The following NOSIP variants were observed in gnomAD, a reference collection of about 807,000 sequenced individuals.
NOSIP encodes nitric oxide synthase interacting protein.
In NOSIP, 25 loss-of-function variants were observed where a neutral mutation model predicts 36.4. The observed-to-expected ratio is 0.69, with a 90% CI of 0.50 to 0.96. The LOEUF (loss-of-function observed/expected upper bound fraction) is 0.96. NOSIP is among the 40% of genes least tolerant of loss of function. The probability of loss-of-function intolerance (pLI) is 0.00; values close to 1 mark genes in which losing one functional copy is unlikely to be tolerated. For missense variants in NOSIP, 370 were observed against 429.0 expected (o/e 0.86, Z 1.21); for synonymous variants, 187 against 179.2 (o/e 1.04, Z -0.35).
At chr19:49,561,971 T>G (rs1419644235) in intron 1 of NOSIP, among the ~76,000 whole-genome samples, 1 of 152,102 alleles carries the variant, frequency 6.6e-6, no homozygotes. Flanking sequence ...CATTTTAACT[T>G]TTACTTTTTG....
Position 49,567,082 on chromosome 19 carries a change from C to G in NOSIP, c.-1-6390G>C, listed in dbSNP as rs568828368. 3.3e-5 allele frequency among the ~76,000 whole-genome samples: 5 copies of G among 149,348 alleles called. No individual in the cohort carries two copies. In the South Asian group the frequency reaches 1.1e-3, roughly 32 times the overall value. ...CCACCTGCCTCGGCCTCCCAAAGTG[C>G]TGGGATTATAGGCATGAGCCACCGT... On this transcript the variant is annotated intron_variant, in intron 1 of 8. Coordinates refer to ENST00000596358, the MANE Select transcript of NOSIP (RefSeq NM_001270960.2).
At position 49,560,754 on chromosome 19, in the gene NOSIP, C is replaced by G; in HGVS notation, c.-1-62G>C. 1 of 1,239,424 alleles carries G rather than the reference C, an allele frequency of 8.1e-7. No homozygotes were observed. The highest frequency in any genetic ancestry group is 1.2e-6 in the Non-Finnish European group (1 of 863,256). 76.8% of individuals were successfully genotyped at this position (1,239,424 alleles called of 1,614,324 possible). On this transcript the variant is annotated intron_variant, in intron 1 of 8. Transcript: ENST00000596358. This position sits in a 1 kb window ranked among gnomAD's most constrained non-coding sequence, Gnocchi z 4.6. ...CGGAGGCAGGCAGCACAGGGAAGAC[C>G]TCTGCAGCCCTCAGAGCTGATCTGC...
intron 1 of NOSIP, among the ~76,000 whole-genome samples, chr19:49,564,706 T>C (rs2080383222): frequency 6.6e-6 from 1 of 151,970 alleles, no homozygotes; most frequent in South Asian, 2.1e-4. Flanking sequence ...AACAGAAGGG[T>C]ACACCTGTTT....
chr19:49,556,485 CCCAAAGCCGGACCGCCCCGCA>C (rs1358632639), intron 7 of NOSIP, 43 bp downstream of exon 7: 17 of 1,609,186 alleles, frequency 1.1e-5, no homozygotes, highest in Non-Finnish European at 1.4e-5. Flanking sequence ...ACCTACTGGC[CCCAAAGCCGGACCGCCCCGCA>C]GGTTCCCGAG....
In NOSIP at chr19:49,556,664, G is replaced by C. The variant is rs528844653; in HGVS notation, c.610C>G (p.Pro204Ala). 1.2e-6 allele frequency: 2 copies of C among 1,611,850 alleles called. No homozygotes were observed. The highest frequency in any genetic ancestry group is 3.3e-5 in the Admixed American group (2 of 59,952). The stretch of plus-strand genomic sequence containing the variant: ...ACGCGGTCCACGGAGCTGTCTAGCG[G>C]TGTGAAGTGCACGGGCGTCAGGTCC... ...MSDLTPVHFT[P>A]LDSSVDRVGL... Residue 204 changes from proline (P) to alanine (A), a missense_variant, in exon 7 of 9, where the codon CCG (proline) becomes GCG (alanine). By Grantham distance (27) the Pro-to-Ala change is conservative. Transcript: ENST00000596358.
intron 1 of NOSIP, among the ~76,000 whole-genome samples, chr19:49,574,151 C>T (rs542449069): frequency 1.6e-4 from 25 of 152,148 alleles, no homozygotes; most frequent in South Asian, 4.2e-4. Flanking sequence ...CATGAGCTAC[C>T]GCGCCCAGTC....
intron 1 of NOSIP, among the ~76,000 whole-genome samples, chr19:49,578,236 G>A (rs981237893): frequency 6.6e-6 from 1 of 151,838 alleles, no homozygotes; most frequent in Non-Finnish European, 1.5e-5. Flanking sequence ...CAATTCTCCT[G>A]CCTCAGCCTC....
At chr19:49,572,744 C>T (rs1040314794) in intron 1 of NOSIP, among the ~76,000 whole-genome samples, 7 of 151,826 alleles carry the variant, frequency 4.6e-5, no homozygotes, top group Non-Finnish European at 8.8e-5. Flanking sequence ...GAGCCCAAGG[C>T]GGGCAGATCA....
Position 49,560,209 on chromosome 19 carries a change from C to T in NOSIP, c.71-170G>A. 4 of 601,108 alleles carry T rather than the reference C, an allele frequency of 6.7e-6. No homozygotes were observed. In the South Asian group the frequency reaches 7.9e-5, roughly 12 times the overall value. The allele number at this position is 601,108 out of a possible 1,614,324, so 37.2% of individuals were successfully genotyped here. ...TGTGTGCTGGGGCCACGGGCTGAAC[C>T]CACAGGGAGTTGTCAACCCTGGAGG... On this transcript the variant is annotated intron_variant, in intron 2 of 8. Transcript: ENST00000596358. The surrounding 1 kb of genome is among the most constrained non-coding windows in gnomAD (Gnocchi z 4.6).
rs201096061 is a variant in NOSIP at position 49,573,778 on chromosome 19, A to ATTTAT, written c.-2+6732_-2+6736dup. ...ATGACAACCTCCCCACGTTCTGCCC[A>ATTTAT]TTTATTTTATTTTATGTATGTATGT... On this transcript the variant is annotated intron_variant, in intron 1 of 8. Transcript: ENST00000596358. 1.9e-3 allele frequency among the ~76,000 whole-genome samples: 293 copies of ATTTAT among 150,728 alleles called. 1 individual carries two copies. The East Asian group carries it at 0.02, about 10-fold the overall frequency.
intron 1 of NOSIP, among the ~76,000 whole-genome samples, chr19:49,578,947 AAG>A (rs1407037258): frequency 6.6e-6 from 1 of 152,068 alleles, no homozygotes; most frequent in African/African-American, 2.4e-5. Flanking sequence ...TAAAAAAAAA[AAG>A]AAAGAAAACA....
Position 49,560,596 on chromosome 19 carries a change from C to T in NOSIP, c.70+26G>A, listed in dbSNP as rs761430952. ...GTGACTCCAAGACACAGCCATGTCC[C>T]GCCTCTTCCCACCCCAGCCCTGCAC... On this transcript the variant is annotated intron_variant, in intron 2 of 8. Coordinates refer to ENST00000596358, the MANE Select transcript of NOSIP (RefSeq NM_001270960.2). This position sits in a 1 kb window ranked among gnomAD's most constrained non-coding sequence, Gnocchi z 4.6. 2.0e-5 allele frequency: 31 copies of T among 1,555,200 alleles called. No individual in the cohort carries two copies. Among genetic ancestry groups the T allele is most frequent in the African/African-American group, 4.1e-5 (3 of 73,538 alleles).
rs922612305 is a variant in NOSIP, at chr19:49,559,790, T to A, written c.176+144A>T. 4.4e-6 allele frequency: 3 copies of A among 680,492 alleles called. No homozygotes were observed. In the East Asian group the frequency reaches 8.2e-5, roughly 18 times the overall value. The allele number at this position is 680,492 out of a possible 1,614,324, so 42.2% of individuals were successfully genotyped here. On this transcript the variant is annotated intron_variant, in intron 3 of 8. Coordinates refer to ENST00000596358, the MANE Select transcript of NOSIP (RefSeq NM_001270960.2). ...ATGCTAGGATCATGCCCATGTCCCA[T>A]GTGAGAATACAGAGGCTCTGAGGAT...
chr19:49,556,195 G>C (rs565751129), intron 8 of NOSIP, 122 bp downstream of exon 8: 1 of 470,104 alleles, frequency 2.1e-6, no homozygotes, highest in Non-Finnish European at 3.8e-6. Context: ...GCCTTACAGA[G>C]CAGAGAAGAA....
At chr19:49,570,167 A>T (rs2080466761) in intron 1 of NOSIP, among the ~76,000 whole-genome samples, 1 of 152,174 alleles carries the variant, frequency 6.6e-6, no homozygotes, top group Admixed American at 6.6e-5. Flanking sequence ...CATGACACAT[A>T]TTAGTTGCAT....
At chr19:49,562,950 TAAAAA>T (rs2080355450) in intron 1 of NOSIP, among the ~76,000 whole-genome samples, 2 of 152,184 alleles carry the variant, frequency 1.3e-5, no homozygotes, top group African/African-American at 4.8e-5. Context: ...AGTTGCCACC[TAAAAA>T]TTCTCCCAAG....
chr19:49,575,363 C>T (rs1380770650), intron 1 of NOSIP, among the ~76,000 whole-genome samples: 1 of 152,140 alleles, frequency 6.6e-6, no homozygotes, highest in Non-Finnish European at 1.5e-5. Flanking sequence ...TAATTATCTC[C>T]ACAAAGGCCC....
At chr19:49,559,093 G>A in intron 3 of NOSIP, 115 bp from the exon 4 acceptor site, 2 of 815,906 alleles carry the variant, frequency 2.5e-6, no homozygotes, top group Non-Finnish European at 4.2e-6. Context: ...TCAATTATTT[G>A]CTAGAATTCA....
chr19:49,579,885 A>G lies in NOSIP; in HGVS notation c.-2+630T>C, dbSNP rs57705521. Among the ~76,000 whole-genome samples the G allele has an allele frequency of 5.6e-3, 848 of 152,192 alleles. 9 individuals carry two copies. The highest frequency in any genetic ancestry group is 0.019 in the African/African-American group (798 of 41,520). On this transcript the variant is annotated intron_variant, in intron 1 of 8. Transcript: ENST00000596358. ...TTTATATAAGTTTGAACATTTTCGT[A>G]AGAAAACATTAACATCAAACTGCCT...
Sources: allele counts gnomAD v4.1 joint callset (sites outside exome capture counted in the v4.1 genomes callset), GRCh38; gene constraint gnomAD v4.1.1; non-coding constraint Gnocchi (gnomAD v3.1); transcripts MANE v1.5; gene names NCBI Gene and HGNC (gene_info 2026-07-23, HGNC 2026-07-21).